SETD4: variants seen among roughly 807,000 people sequenced by gnomAD.
SETD4 encodes the protein SET domain-containing protein 4.
Under a neutral mutation model 58.3 loss-of-function variants are expected in SETD4, and 46 were observed. The observed-to-expected ratio is 0.79, with a 90% confidence interval of 0.62 to 1.01. SETD4 has a LOEUF of 1.01. Ranked by LOEUF, SETD4 falls within the 50% of genes least tolerant of loss-of-function variation. The pLI, the probability that SETD4 is intolerant of heterozygous loss-of-function variation, is 0.00. For missense variants in SETD4, 490 were observed against 523.3 expected, an observed-to-expected ratio of 0.94 and a Z score of 0.62; for synonymous variants, 190 against 202.6, an observed-to-expected ratio of 0.94 and a Z score of 0.53.
In SETD4 at chr21:36,051,159, C is replaced by T. The variant is rs904083228; in HGVS notation, c.207+2424G>A. The T allele has an allele frequency of 5.7e-6, 9 of 1,566,916 alleles. No homozygotes were observed. In the African/African-American group the frequency reaches 9.5e-5, roughly 16 times the overall value. Reference sequence around the variant, plus strand: ...TCTACCCTCTGGCCAGCTCACCCAGCGTATGTCCCTGCTCTCTGTGGTGTC... The same window carrying T: ...TCTACCCTCTGGCCAGCTCACCCAGTGTATGTCCCTGCTCTCTGTGGTGTC... On this transcript the variant is annotated intron_variant, in intron 4 of 11. Transcript: ENST00000332131.
rs564463577 is a variant in SETD4 at position 36,040,319 on chromosome 21, A to G, written c.1064+256T>C. Among the ~76,000 whole-genome samples the G allele has an allele frequency of 3.3e-5, 5 of 152,358 alleles. No homozygotes were observed. The South Asian group carries it at 1.0e-3, about 32-fold the overall frequency. On this transcript the variant is annotated intron_variant, in intron 9 of 11. Coordinates refer to ENST00000332131, the MANE Select transcript of SETD4 (RefSeq NM_017438.5). ...AGGATTTCAGGTCACCAGAAGGAAA[A>G]TATGAGTAGAAACAAAAAGATTATC...
chr21:36,057,159 A>C lies in SETD4; in HGVS notation c.119T>G (p.Leu40Arg). 1.9e-6 allele frequency: 3 copies of C among 1,614,240 alleles called. No homozygotes were observed. Among genetic ancestry groups the C allele is most frequent in the Non-Finnish European group, 2.5e-6 (3 of 1,180,054 alleles). The change falls in exon 3 of 12, where the codon CTG becomes CGG. Residue 40 changes from leucine (L) to arginine (R), a missense_variant. Coordinates refer to ENST00000332131, the MANE Select transcript of SETD4 (RefSeq NM_017438.5). ...TGAATCTTGAAACTTCCTAGCTTTC[A>C]GCCACTTCCTCAGCTCTATAAATTC... ...KSEFIELRKW[L>R]KARKFQDSNL...
chr21:36,057,502 T>C (rs2065047394), intron 2 of SETD4: 2 of 601,030 alleles, frequency 3.3e-6, no homozygotes, highest in South Asian at 4.4e-5. Context: ...AAATACAATA[T>C]TATAATCTGA....
chr21:36,044,427 T>G (rs2064208818), intron 6 of SETD4, among the ~76,000 whole-genome samples: 1 of 152,236 alleles, frequency 6.6e-6, no homozygotes, highest in Non-Finnish European at 1.5e-5. Flanking sequence ...AGGCTGTAGT[T>G]CGTGCTGTGG....
rs2063735466 is a variant in SETD4 at position 36,035,051 on chromosome 21, C to T, written c.*942G>A. 1 of 152,178 alleles carries T rather than the reference C, an allele frequency of 6.6e-6. No homozygotes were observed. The highest frequency in any genetic ancestry group is 6.5e-5 in the Admixed American group (1 of 15,270). 9.4% of individuals were successfully genotyped at this position (152,178 alleles called of 1,614,324 possible). On this transcript the variant is annotated 3_prime_UTR_variant, in exon 12 of 12. Coordinates refer to ENST00000332131, the MANE Select transcript of SETD4 (RefSeq NM_017438.5). ...CTCCAATGAGAAAGGAATTTGAGTT[C>T]TTGGGAAGAATGAACCCTGGGAGGG...
intron 1 of SETD4, chr21:36,059,699 T>TA (rs1050175513): frequency 5.2e-6 from 5 of 957,036 alleles, no homozygotes; most frequent in African/African-American, 1.8e-5. Flanking sequence ...AAAAATAAAT[T>TA]AAAAAAATAA....
chr21:36,058,813 T>C lies in SETD4; in HGVS notation c.73+3A>G, dbSNP rs1273995248. On this transcript the variant is annotated splice_donor_region_variant and intron_variant, in intron 2 of 11. Coordinates refer to ENST00000332131, the MANE Select transcript of SETD4 (RefSeq NM_017438.5). ...ATTACTGGTACTAAAAGAAAAACCATACCTCCTCTTGATTCAGAACTTCCG... is the reference window on the plus strand; with the variant it reads ...ATTACTGGTACTAAAAGAAAAACCACACCTCCTCTTGATTCAGAACTTCCG... 1.1e-5 allele frequency: 17 copies of C among 1,596,010 alleles called. No individual in the cohort carries two copies. The highest frequency in any genetic ancestry group is 1.3e-5 in the Non-Finnish European group (15 of 1,174,384).
At chr21:36,055,920 C>T (rs1045022017) in intron 3 of SETD4, among the ~76,000 whole-genome samples, 2 of 152,144 alleles carry the variant, frequency 1.3e-5, no homozygotes, top group Non-Finnish European at 1.5e-5. Context: ...GCCTTAGACA[C>T]GGCAAGTTTA....
chr21:36,057,159 A>T lies in SETD4; in HGVS notation c.119T>A (p.Leu40Gln). 6.2e-7 allele frequency: 1 copy of T among 1,614,240 alleles called. No homozygotes were observed. The highest frequency in any genetic ancestry group is 1.1e-5 in the South Asian group (1 of 91,084). The change falls in exon 3 of 12, where the codon CTG (leucine) becomes CAG (glutamine). Residue 40 changes from leucine to glutamine, a missense_variant. By Grantham distance (113) the Leu-to-Gln change is moderately radical. Transcript: ENST00000332131. ...KSEFIELRKW[L>Q]KARKFQDSNL... The stretch of plus-strand genomic sequence containing the variant: ...TGAATCTTGAAACTTCCTAGCTTTC[A>T]GCCACTTCCTCAGCTCTATAAATTC...
chr21:36,039,391 G>T (rs1391182771), intron 9 of SETD4, among the ~76,000 whole-genome samples: 1 of 152,202 alleles, frequency 6.6e-6, no homozygotes, highest in East Asian at 1.9e-4. Flanking sequence ...AAGAAAAGAG[G>T]CCTAAGGAAG....
chr21:36,043,733 G>A, intron 7 of SETD4, 49 bp downstream of exon 7: 7 of 1,600,334 alleles, frequency 4.4e-6, no homozygotes, highest in Non-Finnish European at 6.0e-6. Context: ...TCTCCAAATG[G>A]GGAAAAAAAT....
In SETD4 at chr21:36,035,640, T is replaced by C; in HGVS notation, c.*353A>G. On this transcript the variant is annotated 3_prime_UTR_variant, in exon 12 of 12. Coordinates refer to ENST00000332131, the MANE Select transcript of SETD4 (RefSeq NM_017438.5). ...CCCACACCCACCGCCAATCTGCCCC[T>C]TAACCCAATGGTATCAGAGCATCTT... The C allele has an allele frequency of 5.2e-6, 1 of 193,890 alleles. No homozygotes were observed. The highest frequency in any genetic ancestry group is 1.1e-5 in the Non-Finnish European group (1 of 93,180). 12.0% of individuals were successfully genotyped at this position (193,890 alleles called of 1,614,324 possible). A position where few individuals can be genotyped will look rare whatever the true frequency, so the allele number is the denominator to read the frequency against.
In SETD4 at chr21:36,035,790, T is replaced by G. The variant is rs1487680622; in HGVS notation, c.*203A>C. The G allele has an allele frequency of 1.2e-5, 4 of 340,644 alleles. No individual in the cohort carries two copies. The highest frequency in any genetic ancestry group is 2.2e-5 in the Non-Finnish European group (4 of 182,622). The allele number at this position is 340,644 out of a possible 1,614,324, so 21.1% of individuals were successfully genotyped here. A position where few individuals can be genotyped will look rare whatever the true frequency, so the allele number is the denominator to read the frequency against. ...CACAGTCCGCCTCTCTCCTCACAGT[T>G]CAGCACTTTATTCGGAAGAGCATTA... On this transcript the variant is annotated 3_prime_UTR_variant, in exon 12 of 12. Coordinates refer to ENST00000332131, the MANE Select transcript of SETD4 (RefSeq NM_017438.5).
chr21:36,050,440 T>C (rs2064606892), intron 4 of SETD4: 2 of 1,614,144 alleles, frequency 1.2e-6, no homozygotes, highest in African/African-American at 1.3e-5. Context: ...CAAGTGGTGG[T>C]AGTCAGAGTA....
chr21:36,043,576 C>A (rs1441816163), intron 7 of SETD4: 28 of 1,392,792 alleles, frequency 2.0e-5, no homozygotes, highest in Non-Finnish European at 2.6e-5. Flanking sequence ...GAAAACTTCT[C>A]AAAATATCAG....
intron 4 of SETD4, among the ~76,000 whole-genome samples, chr21:36,049,455 T>C (rs2064528826): frequency 6.6e-6 from 1 of 152,104 alleles, no homozygotes; most frequent in Non-Finnish European, 1.5e-5. Context: ...CTCGGGAGGC[T>C]GAGGCAGGAG....
chr21:36,051,781 G>A (rs747157342), intron 4 of SETD4, among the ~76,000 whole-genome samples: 50 of 152,294 alleles, frequency 3.3e-4, no homozygotes, highest in Admixed American at 6.5e-4. Context: ...TTTGTCATCA[G>A]TGAGGAAAAC....
Position 36,041,159 on chromosome 21 carries a change from CAAAAAAAAAAAA to C in SETD4, c.984-516_984-505del, listed in dbSNP as rs35920101. ...TGGGCGACAGAGCAAGACTCCTTCT[CAAAAAAAAAAAA>C]AAAAAAAAAAAAAAAAAAAGAGCTT... On this transcript the variant is annotated intron_variant, in intron 8 of 11. Transcript: ENST00000332131. 1.6e-3 allele frequency among the ~76,000 whole-genome samples: 66 copies of C among 40,040 alleles called. 1 individual carries two copies. Among genetic ancestry groups the C allele is most frequent in the Middle Eastern group, 0.024 (1 of 42 alleles). 26.3% of individuals were successfully genotyped at this position (40,040 alleles called of 152,430 possible).
chr21:36,047,347 C>A (rs2835252), intron 5 of SETD4, among the ~76,000 whole-genome samples: 42,500 of 152,050 alleles, frequency 0.28, 6,053 homozygotes, highest in Middle Eastern at 0.34. Flanking sequence ...CTCAAAGATG[C>A]CCCAAAACAA....
Sources: allele counts gnomAD v4.1 joint callset (sites outside exome capture counted in the v4.1 genomes callset), GRCh38; gene constraint gnomAD v4.1.1; transcripts MANE v1.5; gene names NCBI Gene and HGNC (gene_info 2026-07-23, HGNC 2026-07-21).